The following FBN1 variants were observed in gnomAD, a reference collection of about 807,000 sequenced individuals.
FBN1 encodes fibrillin 1, also known as fibrillin-1.
Under a neutral mutation model 365.1 loss-of-function variants are expected in FBN1, and 29 were observed. The observed-to-expected ratio is 0.08, with a 90% CI of 0.06 to 0.11. The LOEUF is 0.11. Among genes scored for constraint, FBN1 ranks in the 10% least tolerant of loss-of-function variants. FBN1 has a pLI of 1.00. For synonymous variants in FBN1, 1,210 were observed against 1,270.5 expected, an observed-to-expected ratio of 0.95 and a Z score of 1.01; for missense variants, 2,476 against 3,703.2, an observed-to-expected ratio of 0.67 and a Z score of 8.60.
intron 4 of FBN1, among the ~76,000 whole-genome samples, chr15:48,603,813 G>C (rs1458422575): frequency 1.3e-5 from 2 of 152,202 alleles, no homozygotes; most frequent in Non-Finnish European, 2.9e-5. Context: ...GCCATATGCA[G>C]TGAACCCTGA....
chr15:48,474,696 C>A, intron 32 of FBN1, 46 bp from the exon 33 acceptor site: 1 of 1,613,286 alleles, frequency 6.2e-7, no homozygotes, highest in Non-Finnish European at 8.5e-7. Context: ...GCACAAATGT[C>A]TTTTGGTTTT....
intron 2 of FBN1, among the ~76,000 whole-genome samples, chr15:48,628,016 A>G (rs753946640): frequency 3.3e-5 from 5 of 152,240 alleles, no homozygotes; most frequent in Non-Finnish European, 5.9e-5. Flanking sequence ...CTGACGAAAA[A>G]GCAGTTCCAA....
At chr15:48,437,257 ATAAC>A (rs1326001663) in intron 52 of FBN1, 61 bp downstream of exon 52, 9 of 1,465,696 alleles carry the variant, frequency 6.1e-6, no homozygotes, top group Non-Finnish European at 8.6e-6. Flanking sequence ...AAAAATAAGA[ATAAC>A]TAGAGAAGAA....
chr15:48,622,413 T>C (rs1889786760), intron 2 of FBN1, among the ~76,000 whole-genome samples: 1 of 152,192 alleles, frequency 6.6e-6, no homozygotes. Context: ...TATGACTTGA[T>C]GTTTCCCGGT....
Position 48,411,360 on chromosome 15 carries a change from G to A in FBN1, c.8246C>T (p.Ala2749Val), listed in dbSNP as rs2141210146. Residue 2749 changes from alanine (A) to valine (V), a missense_variant, in exon 66 of 66, where the codon GCC becomes GTC. Ala to Val is a moderately conservative substitution (Grantham distance 64). Coordinates refer to ENST00000316623, the MANE Select transcript of FBN1 (RefSeq NM_000138.5). ...SNIEDQSETE[A>V]NVSLASWDVE... ...ATCCCAACTTGCAAGACTCACATTG[G>A]CTTCTGTCTCAGACTGATCCTGGAA... is the stretch of plus-strand genomic sequence containing the variant. 1 of 1,613,970 alleles carries A rather than the reference G, an allele frequency of 6.2e-7. No individual in the cohort carries two copies. Among genetic ancestry groups the A allele is most frequent in the East Asian group, 2.2e-5 (1 of 44,874 alleles).
chr15:48,425,318 G>A lies in FBN1; in HGVS notation c.7453+51C>T, dbSNP rs1053237473. 2.5e-6 allele frequency: 4 copies of A among 1,613,126 alleles called. No individual in the cohort carries two copies. The African/African-American group carries it at 4.0e-5, about 16-fold the overall frequency. On this transcript the variant is annotated intron_variant, in intron 60 of 65. Transcript: ENST00000316623. ...GTGGAGTTCTTACAGGCAAAGGAAT[G>A]CAGCCATGTGTCAGGAGCTAGGTGA...
In FBN1 at chr15:48,534,183, G is replaced by A. The variant is rs1403909880; in HGVS notation, c.759C>T (p.Ile253=). Residue 253 remains isoleucine, a synonymous_variant, in exon 8 of 66, where the codon ATC becomes ATT. Coordinates refer to ENST00000316623, the MANE Select transcript of FBN1 (RefSeq NM_000138.5). ...AATTTCCTCCCTGACAGAGCCCGGG[G>A]ATGGCCTGGCATTCATCCACATCTG... is the stretch of plus-strand genomic sequence containing the variant. ...ACQDVDECQA[I]PGLCQGGNCI... The A allele has an allele frequency of 4.3e-6, 7 of 1,613,052 alleles. No homozygotes were observed. Among genetic ancestry groups the A allele is most frequent in the South Asian group, 1.1e-5 (1 of 91,060 alleles).
rs775944757 is a variant in FBN1 at position 48,487,213 on chromosome 15, TAAG to T, written c.3464-16_3464-14del. 6.9e-5 allele frequency: 112 copies of T among 1,613,952 alleles called. 2 individuals are homozygous for T. Among genetic ancestry groups the T allele is most frequent in the South Asian group, 3.7e-4 (34 of 91,068 alleles). ...CATTCATTGATGTCTGTCGGGAAAA[TAAG>T]AAGAACAAACACCCAAACATAAGCT... On this transcript the variant is annotated splice_polypyrimidine_tract_variant and intron_variant, in intron 28 of 65. Coordinates refer to ENST00000316623, the MANE Select transcript of FBN1 (RefSeq NM_000138.5).
intron 65 of FBN1, 39 bp downstream of exon 65, chr15:48,412,530 A>T (rs1163064401): frequency 6.2e-7 from 1 of 1,608,532 alleles, no homozygotes; most frequent in Non-Finnish European, 8.5e-7. Context: ...AGGGCTTTCC[A>T]CCACAGGAGA....
At chr15:48,484,649 G>A (rs2043491430) in intron 30 of FBN1, among the ~76,000 whole-genome samples, 1 of 152,198 alleles carries the variant, frequency 6.6e-6, no homozygotes, top group African/African-American at 2.4e-5. Context: ...GGGATTACAA[G>A]TGTAAGCCAC....
At chr15:48,589,001 T>G (rs2044456366) in intron 6 of FBN1, among the ~76,000 whole-genome samples, 1 of 152,186 alleles carries the variant, frequency 6.6e-6, no homozygotes, top group African/African-American at 2.4e-5. Flanking sequence ...TAGTTTGCAC[T>G]CCAGCAATTT....
intron 6 of FBN1, among the ~76,000 whole-genome samples, chr15:48,585,328 T>A (rs1321212546): frequency 6.6e-6 from 1 of 152,246 alleles, no homozygotes; most frequent in Non-Finnish European, 1.5e-5. Context: ...ATCTATTGTT[T>A]ACTTATAAAG....
intron 24 of FBN1, among the ~76,000 whole-genome samples, chr15:48,490,971 ATATC>A (rs2043553391): frequency 1.3e-5 from 2 of 152,242 alleles, no homozygotes; most frequent in African/African-American, 4.8e-5. Context: ...CATTAACAAT[ATATC>A]TAACTCCCTG....
At position 48,435,780 on chromosome 15, in the gene FBN1, G is replaced by GTATATA. The variant is rs1382120396; in HGVS notation, c.6497-1068_6497-1067insTATATA. ...TGTATATATATGTGTATATGTGTGTGTGTGTGTGTGTGTGTGTGTGTGTGT... is the reference window on the plus strand; with the variant it reads ...TGTATATATATGTGTATATGTGTGTGTATATATGTGTGTGTGTGTGTGTGTGTGTGT... On this transcript the variant is annotated intron_variant, in intron 53 of 65. Coordinates refer to ENST00000316623, the MANE Select transcript of FBN1 (RefSeq NM_000138.5). Among the ~76,000 whole-genome samples the GTATATA allele has an allele frequency of 3.4e-3, 260 of 77,184 alleles. 3 individuals carry two copies. Among genetic ancestry groups the GTATATA allele is most frequent in the Middle Eastern group, 0.02 (2 of 100 alleles). The allele number at this position is 77,184 out of a possible 152,430, so 50.6% of individuals were successfully genotyped here.
chr15:48,479,950 G>A, intron 32 of FBN1, among the ~76,000 whole-genome samples: 1 of 152,176 alleles, frequency 6.6e-6, no homozygotes, highest in African/African-American at 2.4e-5. Flanking sequence ...ATGGCCTCTA[G>A]ACACTGTGTC....
chr15:48,587,343 A>C (rs1490901938), intron 6 of FBN1, among the ~76,000 whole-genome samples: 1 of 152,220 alleles, frequency 6.6e-6, no homozygotes, highest in Non-Finnish European at 1.5e-5. Flanking sequence ...CAGTCTTCCC[A>C]CTAATTTATA....
At chr15:48,630,386 A>G (rs1488933486) in intron 2 of FBN1, among the ~76,000 whole-genome samples, 1 of 152,166 alleles carries the variant, frequency 6.6e-6, no homozygotes, top group Non-Finnish European at 1.5e-5. Flanking sequence ...TGACCTTTCA[A>G]TGTGTGAGAA....
chr15:48,410,970 T>C lies in FBN1; in HGVS notation c.*20A>G, dbSNP rs1246665002. 6.2e-7 allele frequency: 1 copy of C among 1,609,510 alleles called. No homozygotes were observed. The highest frequency in any genetic ancestry group is 1.3e-5 in the African/African-American group (1 of 74,920). ...TCTATATTTGTTTTTCTTTTAATTA[T>C]TTGGTCTCTGGATGGTGAATTAATG... On this transcript the variant is annotated 3_prime_UTR_variant, in exon 66 of 66. Transcript: ENST00000316623.
intron 43 of FBN1, among the ~76,000 whole-genome samples, chr15:48,457,945 C>G (rs1417930409): frequency 1.3e-5 from 2 of 152,046 alleles, no homozygotes; most frequent in African/African-American, 2.4e-5. Flanking sequence ...AAGGGAAGAT[C>G]GTATTATGGT....
Sources: allele counts gnomAD v4.1 joint callset (sites outside exome capture counted in the v4.1 genomes callset), GRCh38; gene constraint gnomAD v4.1.1; transcripts MANE v1.5; gene names NCBI Gene and HGNC (gene_info 2026-07-23, HGNC 2026-07-21).